EYS: variants seen among roughly 807,000 people sequenced by gnomAD.
The protein encoded by EYS is protein eyes shut homolog.
Under a neutral mutation model 282.1 loss-of-function variants are expected in EYS, and 250 were observed. The ratio of observed to expected loss-of-function variants is 0.89; its 90% CI spans 0.80 to 0.98. The LOEUF (loss-of-function observed/expected upper bound fraction) is 0.98, where lower values mean the gene tolerates loss of function less well. Ranked by LOEUF, EYS falls within the 50% of genes least tolerant of loss-of-function variation. The pLI is 0.00. For missense variants in EYS, 4,016 were observed against 3,709.0 expected (o/e 1.08, Z -2.15); for synonymous variants, 1,355 against 1,282.9 (o/e 1.06, Z -1.20).
chr6:64,766,649 A>AAAAAATATAT (rs1387919586), intron 22 of EYS, among the ~76,000 whole-genome samples: 15 of 19,062 alleles, frequency 7.9e-4, no homozygotes, highest in African/African-American at 2.5e-3. Context: ...AAAAAAAAAA[A>AAAAAATATAT]ATATATATAT....
intron 26 of EYS, among the ~76,000 whole-genome samples, chr6:64,530,724 A>C (rs1336985229): frequency 6.6e-6 from 1 of 152,116 alleles, no homozygotes; most frequent in Non-Finnish European, 1.5e-5. Flanking sequence ...AGCTTCTAAT[A>C]ATCTTGAAAA....
In EYS at chr6:65,020,948, G is replaced by C. The variant is rs1388221045; in HGVS notation, c.2138-23245C>G. On this transcript the variant is annotated intron_variant, in intron 13 of 42. Transcript: ENST00000503581. Reference sequence around the variant, plus strand: ...CCCTTTTTTAGCTATGGCTGGAGCAGCTGGGATGCAGGGCACCAAGTCCCA... The same window carrying C: ...CCCTTTTTTAGCTATGGCTGGAGCACCTGGGATGCAGGGCACCAAGTCCCA... 2.6e-5 allele frequency among the ~76,000 whole-genome samples: 4 copies of C among 152,132 alleles called. No homozygotes were observed. In the East Asian group the frequency reaches 5.8e-4, roughly 22 times the overall value.
chr6:65,631,492 C>T (rs1766909651), intron 2 of EYS, among the ~76,000 whole-genome samples: 1 of 148,594 alleles, frequency 6.7e-6, no homozygotes, highest in Admixed American at 6.7e-5. Flanking sequence ...AAAAAAAAAT[C>T]CTGTGTTGTT....
At chr6:64,805,546 TTTTA>T (rs1183046190) in intron 22 of EYS, among the ~76,000 whole-genome samples, 2 of 151,800 alleles carry the variant, frequency 1.3e-5, no homozygotes, top group Admixed American at 6.6e-5. Context: ...CAAAATATAT[TTTTA>T]TTTATTTATC....
At chr6:64,249,190 T>C (rs185577216) in intron 30 of EYS, among the ~76,000 whole-genome samples, 1 of 151,678 alleles carries the variant, frequency 6.6e-6, no homozygotes, top group Admixed American at 6.6e-5. Flanking sequence ...AAATACAGTA[T>C]ATATAGCCAT....
At chr6:63,898,427 G>T (rs1162499589) in intron 35 of EYS, among the ~76,000 whole-genome samples, 3 of 152,042 alleles carry the variant, frequency 2.0e-5, no homozygotes, top group Non-Finnish European at 4.4e-5. Context: ...GGAGGCGGAG[G>T]TTGCTGTGAG....
Position 65,423,126 on chromosome 6 carries a change from T to G in EYS, c.863-17759A>C, listed in dbSNP as rs1396103269. ...TGCATAATCCTCACCCACATAAAAA[T>G]TAAATGAGGGAAAACAAAACTAAAA... On this transcript the variant is annotated intron_variant, in intron 5 of 42. Transcript: ENST00000503581. Among the ~76,000 whole-genome samples the G allele has an allele frequency of 2.6e-5, 4 of 151,656 alleles. No homozygotes were observed. The Admixed American group carries it at 2.6e-4, about 10-fold the overall frequency.
chr6:65,386,505 C>T (rs1295842978), intron 7 of EYS, among the ~76,000 whole-genome samples: 1 of 151,796 alleles, frequency 6.6e-6, no homozygotes, highest in African/African-American at 2.4e-5. Context: ...GAAGCACTTC[C>T]AAGTCTTACT....
At chr6:64,386,121 C>T (rs1365153175) in intron 29 of EYS, among the ~76,000 whole-genome samples, 1 of 152,158 alleles carries the variant, frequency 6.6e-6, no homozygotes, top group Non-Finnish European at 1.5e-5. Context: ...TGACTTGTGC[C>T]TCACAACATT....
intron 12 of EYS, among the ~76,000 whole-genome samples, chr6:65,197,517 G>A (rs1401247468): frequency 6.6e-6 from 1 of 152,030 alleles, no homozygotes; most frequent in East Asian, 1.9e-4. Flanking sequence ...AGAGGTGGAG[G>A]CAAGATCATG....
intron 12 of EYS, among the ~76,000 whole-genome samples, chr6:65,070,062 T>A (rs1773860154): frequency 6.6e-6 from 1 of 151,924 alleles, no homozygotes; most frequent in South Asian, 2.1e-4. Context: ...AGTAAAAATA[T>A]GAGGTTAAAA....
intron 22 of EYS, among the ~76,000 whole-genome samples, chr6:64,627,313 G>A (rs1323292192): frequency 1.3e-5 from 2 of 152,172 alleles, no homozygotes; most frequent in African/African-American, 2.4e-5. Flanking sequence ...TCATGGCAGA[G>A]TATACGCAAG....
rs1768399520 is a variant in EYS at position 65,287,519 on chromosome 6, C to T, written c.2023+8344G>A. Among the ~76,000 whole-genome samples the T allele has an allele frequency of 1.3e-5, 2 of 151,278 alleles. 1 individual carries two copies. The highest frequency in any genetic ancestry group is 3.9e-4 in the East Asian group (2 of 5,174). ...TTAAATTCCTGCACATAACCTTTTC[C>T]TTCCTGAAATGCAACATTTAGTAAA... On this transcript the variant is annotated intron_variant, in intron 12 of 42. Coordinates refer to ENST00000503581, the MANE Select transcript of EYS (RefSeq NM_001142800.2).
chr6:65,482,927 C>T (rs1765657719), intron 5 of EYS, among the ~76,000 whole-genome samples: 1 of 152,130 alleles, frequency 6.6e-6, no homozygotes, highest in Admixed American at 6.5e-5. Flanking sequence ...CAAATTCACA[C>T]TTGAAAATGT....
rs1768344983 is a variant in EYS at position 63,720,738 on chromosome 6, A to T, written c.9293T>A (p.Ile3098Asn). ...GGTTTTAAAAATCTCTTGAGTAACGATATTTACCTTTCTACCATATTCAAA... is the reference window on the plus strand; with the variant it reads ...GGTTTTAAAAATCTCTTGAGTAACGTTATTTACCTTTCTACCATATTCAAA... Reference protein sequence around the residue: ...GGFEYGRKVNIVTQEIFKTNF... With the variant: ...GGFEYGRKVNNVTQEIFKTNF... Residue 3098 changes from isoleucine (I) to asparagine (N), a missense_variant, in exon 43 of 43, where the codon ATC becomes AAC. Transcript: ENST00000503581. The T allele has an allele frequency of 1.9e-6, 3 of 1,549,692 alleles. No homozygotes were observed. Among genetic ancestry groups the T allele is most frequent in the Non-Finnish European group, 2.6e-6 (3 of 1,146,210 alleles).
Position 64,823,303 on chromosome 6 carries a change from G to T in EYS, c.2993-481C>A, listed in dbSNP as rs546659703. Among the ~76,000 whole-genome samples, 7 of 151,720 alleles carry T rather than the reference G, an allele frequency of 4.6e-5. 1 individual carries two copies. The highest frequency in any genetic ancestry group is 1.7e-4 in the African/African-American group (7 of 41,420). On this transcript the variant is annotated intron_variant, in intron 19 of 42. Coordinates refer to ENST00000503581, the MANE Select transcript of EYS (RefSeq NM_001142800.2). ...GGCTAAATACCTGGGATTTTCAAAG[G>T]CCAAGTAGCGAATATTTTTTAAGCA...
At position 64,101,475 on chromosome 6, in the gene EYS, A is replaced by G. The variant is rs149310524; in HGVS notation, c.6425-19473T>C. On this transcript the variant is annotated intron_variant, in intron 31 of 42. Transcript: ENST00000503581. ...TTCATGATGCATGCATGCACATAAA[A>G]GCAAAACAAAATGAGATAAAATGTT... Among the ~76,000 whole-genome samples, 626 of 152,340 alleles carry G rather than the reference A, an allele frequency of 4.1e-3. 2 individuals carry two copies. The highest frequency in any genetic ancestry group is 6.6e-3 in the Non-Finnish European group (447 of 68,032).
intron 29 of EYS, among the ~76,000 whole-genome samples, chr6:64,330,896 C>T (rs1770622257): frequency 6.6e-6 from 1 of 152,128 alleles, no homozygotes; most frequent in African/African-American, 2.4e-5. Context: ...ATGGAAAGCC[C>T]CCATTGTGTG....
In EYS at chr6:64,922,045, G is replaced by T. The variant is rs149806782; in HGVS notation, c.2382-9302C>A. 6.2e-3 allele frequency among the ~76,000 whole-genome samples: 939 copies of T among 152,228 alleles called. 5 individuals carry two copies. The highest frequency in any genetic ancestry group is 0.011 in the Non-Finnish European group (746 of 68,004). ...AAAGAGTGTTTGGGGTAGAAGAAAA[G>T]ACACTGGCAGAATTTGGAATTTCAG... is the stretch of plus-strand genomic sequence containing the variant. On this transcript the variant is annotated intron_variant, in intron 15 of 42. Transcript: ENST00000503581.
Sources: gnomAD v4.1 joint callset for allele counts (sites outside exome capture counted in the v4.1 genomes callset) on GRCh38, gnomAD v4.1.1 for gene constraint, MANE v1.5 for transcripts, NCBI Gene and HGNC (gene_info 2026-07-23, HGNC 2026-07-21) for gene names.